Variants in GOLGB1 observed in about 807,000 individuals in gnomAD.
GOLGB1 encodes the protein golgin B1, also known as golgin subfamily B member 1.
Under a neutral mutation model 336.9 loss-of-function variants are expected in GOLGB1, and 174 were observed. The ratio of observed to expected loss-of-function variants is 0.52; its 90% CI spans 0.46 to 0.59. GOLGB1 has a LOEUF of 0.59. GOLGB1 is among the 20% of genes least tolerant of loss of function. The pLI, the probability that GOLGB1 is intolerant of heterozygous loss-of-function variation, is 0.00. For synonymous variants in GOLGB1, 1,208 were observed against 1,289.2 expected, an observed-to-expected ratio of 0.94 and a Z score of 1.35; for missense variants, 3,331 against 3,645.3, an observed-to-expected ratio of 0.91 and a Z score of 2.22.
intron 5 of GOLGB1, among the ~76,000 whole-genome samples, chr3:121,724,284 T>C (rs1945398591): frequency 6.6e-6 from 1 of 152,120 alleles, no homozygotes; most frequent in Admixed American, 6.6e-5. Context: ...ACAATGCTGA[T>C]AGAAACATAA....
At chr3:121,683,390 C>T (rs910984124) in intron 14 of GOLGB1, among the ~76,000 whole-genome samples, 28 of 152,094 alleles carry the variant, frequency 1.8e-4, no homozygotes, top group African/African-American at 6.3e-4. Context: ...TGAAGTCTTT[C>T]CCCTACTGAG....
chr3:121,671,588 A>G (rs1939542933), intron 17 of GOLGB1, among the ~76,000 whole-genome samples: 1 of 152,242 alleles, frequency 6.6e-6, no homozygotes, highest in South Asian at 2.1e-4. Flanking sequence ...TAAAGATCAA[A>G]TCAGTGTATC....
chr3:121,693,711 T>C, intron 13 of GOLGB1, 30 bp downstream of exon 13: 1 of 1,514,170 alleles, frequency 6.6e-7, no homozygotes, highest in East Asian at 2.3e-5. Context: ...AAGTTACCTC[T>C]GGAGGAGGAA....
intron 14 of GOLGB1, among the ~76,000 whole-genome samples, chr3:121,683,414 G>T (rs1941333732): frequency 6.6e-6 from 1 of 151,956 alleles, no homozygotes. Flanking sequence ...GAAGAGTGCT[G>T]GTAAAAGGCC....
chr3:121,738,057 TAC>T (rs1946604004), intron 1 of GOLGB1, among the ~76,000 whole-genome samples: 2 of 152,234 alleles, frequency 1.3e-5, no homozygotes, highest in African/African-American at 4.8e-5. Flanking sequence ...TTCAGCAGTA[TAC>T]AGATTCTAAA....
At chr3:121,704,812 T>C (rs1943681694) in intron 10 of GOLGB1, among the ~76,000 whole-genome samples, 1 of 146,844 alleles carries the variant, frequency 6.8e-6, no homozygotes, top group Non-Finnish European at 1.5e-5. Context: ...AAAGAAAAAT[T>C]GTCAATCGAG....
chr3:121,730,801 C>T, intron 2 of GOLGB1, 75 bp downstream of exon 2: 1 of 1,466,888 alleles, frequency 6.8e-7, no homozygotes, highest in Non-Finnish European at 9.1e-7. Flanking sequence ...GCACACCCTT[C>T]TATCTTAAAT....
intron 21 of GOLGB1, 27 bp downstream of exon 21, chr3:121,664,899 C>A (rs750574302): frequency 3.9e-5 from 52 of 1,337,284 alleles, no homozygotes; most frequent in Admixed American, 8.4e-5. Context: ...TAATAAAACA[C>A]CCTCTCTTTA....
At chr3:121,720,321 C>CA (rs1216647150) in intron 6 of GOLGB1, among the ~76,000 whole-genome samples, 1 of 152,236 alleles carries the variant, frequency 6.6e-6, no homozygotes, top group Non-Finnish European at 1.5e-5. Context: ...ACCACCTCCC[C>CA]AGACAGCTGT....
chr3:121,746,553 C>A (rs1947300438), intron 1 of GOLGB1, among the ~76,000 whole-genome samples: 1 of 152,096 alleles, frequency 6.6e-6, no homozygotes, highest in Non-Finnish European at 1.5e-5. Flanking sequence ...CGCGATCTCA[C>A]TACAATCTCT....
At chr3:121,673,365 G>A (rs1399379916) in intron 17 of GOLGB1, among the ~76,000 whole-genome samples, 7 of 152,190 alleles carry the variant, frequency 4.6e-5, no homozygotes, top group East Asian at 1.9e-4. Flanking sequence ...CACCACACTC[G>A]ACCCAGTTTT....
At chr3:121,704,231 A>C (rs778484071) in intron 10 of GOLGB1, among the ~76,000 whole-genome samples, 2 of 152,194 alleles carry the variant, frequency 1.3e-5, no homozygotes, top group African/African-American at 2.4e-5. Context: ...GAATGGGAAG[A>C]AAAAATATTT....
chr3:121,695,099 CAG>C lies in GOLGB1; in HGVS notation c.5422_5423del (p.Leu1808GlufsTer24), dbSNP rs755721274. On this transcript the variant is annotated frameshift_variant, in exon 13 of 22. Transcript: ENST00000614479. LOFTEE classifies it high-confidence loss of function. ...AACATGTAGGTCTTGTGCTCATACT[CAG>C]AGAGTCTTGCTCTTCAGTCTCACCT... is the stretch of plus-strand genomic sequence containing the variant. ...IPGETEEQDSLSMSTRPTCSE... is the reference protein window; with the variant it reads ...IPGETEEQDSXSMSTRPTCSE... 12 of 1,613,786 alleles carry C rather than the reference CAG, an allele frequency of 7.4e-6. No homozygotes were observed. The highest frequency in any genetic ancestry group is 1.3e-5 in the African/African-American group (1 of 74,838).
intron 17 of GOLGB1, among the ~76,000 whole-genome samples, chr3:121,671,320 A>G (rs1201672091): frequency 1.3e-5 from 2 of 152,204 alleles, no homozygotes; most frequent in Admixed American, 1.3e-4. Context: ...TACATTACAT[A>G]CTAACATCCA....
intron 11 of GOLGB1, among the ~76,000 whole-genome samples, chr3:121,701,159 G>A (rs955130881): frequency 1.7e-4 from 26 of 152,234 alleles, no homozygotes; most frequent in African/African-American, 6.3e-4. Context: ...AGTAATCTAT[G>A]AGGCCAGACA....
chr3:121,706,137 C>CA (rs112415956), intron 10 of GOLGB1, among the ~76,000 whole-genome samples: 2,549 of 101,946 alleles, frequency 0.025, 49 homozygotes, highest in African/African-American at 0.076. Context: ...GACTCCATTT[C>CA]AAAAAAAAAA....
At position 121,730,117 on chromosome 3, in the gene GOLGB1, A is replaced by G. The variant is rs572373728; in HGVS notation, c.97-100T>C. ...ACTTTTTATGTTTTGCCCAATTCAT[A>G]TTCTTGTTAACTTAAGAATCTAACT... On this transcript the variant is annotated intron_variant, in intron 2 of 21. Transcript: ENST00000614479. 109 of 709,684 alleles carry G rather than the reference A, an allele frequency of 1.5e-4. No homozygotes were observed. In the East Asian group the frequency reaches 2.8e-3, roughly 18 times the overall value. 44.0% of individuals were successfully genotyped at this position (709,684 alleles called of 1,614,324 possible). A position where few individuals can be genotyped will look rare whatever the true frequency, so the allele number is the denominator to read the frequency against.
At chr3:121,737,476 T>A (rs1576475282) in intron 1 of GOLGB1, among the ~76,000 whole-genome samples, 2 of 151,322 alleles carry the variant, frequency 1.3e-5, no homozygotes, top group African/African-American at 4.9e-5. Context: ...CATGGTGAAA[T>A]CCCGTCTCTA....
In GOLGB1 at chr3:121,698,353, T is replaced by C. The variant is rs761936548; in HGVS notation, c.2170A>G (p.Ser724Gly). ...KNLDEKAKEI[S>G]NLNQLIEEFK... ...TCCTCAATCAACTGGTTTAGGTTGC[T>C]AATTTCCTTAGCTTTCTCATCTAAA... Residue 724 changes from serine (S) to glycine (G), a missense_variant, in exon 13 of 22, where the codon AGC (serine) becomes GGC (glycine). Coordinates refer to ENST00000614479, the MANE Select transcript of GOLGB1 (RefSeq NM_001366282.2). 1.2e-6 allele frequency: 2 copies of C among 1,613,854 alleles called. No homozygotes were observed. The highest frequency in any genetic ancestry group is 2.7e-5 in the African/African-American group (2 of 75,016).
Sources: gnomAD v4.1 joint callset for allele counts (sites outside exome capture counted in the v4.1 genomes callset) on GRCh38, gnomAD v4.1.1 for gene constraint, MANE v1.5 for transcripts, NCBI Gene and HGNC (gene_info 2026-07-23, HGNC 2026-07-21) for gene names.